Variants in CNOT6 observed in about 807,000 individuals in gnomAD.
The protein encoded by CNOT6 is carbon catabolite repression 4 protein.
Under a neutral mutation model 61.2 loss-of-function variants are expected in CNOT6, and 12 were observed. The ratio of observed to expected loss-of-function variants is 0.20; its 90% confidence interval spans 0.13 to 0.32. CNOT6 has a LOEUF of 0.32. CNOT6 is among the 10% of genes least tolerant of loss of function. The probability of loss-of-function intolerance (pLI) is 1.00; values close to 1 mark genes in which losing one functional copy is unlikely to be tolerated. For synonymous variants in CNOT6, 225 were observed against 240.6 expected (o/e 0.94, Z 0.60); for missense variants, 405 against 663.9 (o/e 0.61, Z 4.28).
Position 180,575,021 on chromosome 5 carries a change from T to A in CNOT6, c.*821T>A, listed in dbSNP as rs1020612156. On this transcript the variant is annotated 3_prime_UTR_variant, in exon 12 of 12. Transcript: ENST00000261951. ...ACATTTATGGACTGAATGTAATGGT[T>A]GATATATGTACATTCTGATATTTTT... is the stretch of plus-strand genomic sequence containing the variant. 6.6e-6 allele frequency: 1 copy of A among 152,624 alleles called. No individual in the cohort carries two copies. Among genetic ancestry groups the A allele is most frequent in the Non-Finnish European group, 1.5e-5 (1 of 68,036 alleles). The allele number at this position is 152,624 out of a possible 1,614,324, so 9.5% of individuals were successfully genotyped here. A position where few individuals can be genotyped will look rare whatever the true frequency, so the allele number is the denominator to read the frequency against.
intron 1 of CNOT6, among the ~76,000 whole-genome samples, chr5:180,499,249 T>C (rs1282080168): frequency 6.6e-6 from 1 of 152,240 alleles, no homozygotes; most frequent in Non-Finnish European, 1.5e-5. Flanking sequence ...ATGAAAGTTA[T>C]AAAATGTTAC....
chr5:180,501,834 G>C (rs1756881621), intron 1 of CNOT6, among the ~76,000 whole-genome samples: 1 of 152,156 alleles, frequency 6.6e-6, no homozygotes, highest in South Asian at 2.1e-4. Context: ...TGCCAAGAAA[G>C]AAGGAGTTTT....
At chr5:180,543,681 A>C (rs562431460) in intron 2 of CNOT6, among the ~76,000 whole-genome samples, 1 of 152,368 alleles carries the variant, frequency 6.6e-6, no homozygotes, top group South Asian at 2.1e-4. Context: ...ATTGGCTTCA[A>C]AATAGTTGCA....
At chr5:180,517,834 G>A (rs576122881) in intron 1 of CNOT6, among the ~76,000 whole-genome samples, 1 of 152,328 alleles carries the variant, frequency 6.6e-6, no homozygotes, top group African/African-American at 2.4e-5. Flanking sequence ...GAGCTACTGC[G>A]CCTGGCCGAG....
intron 2 of CNOT6, among the ~76,000 whole-genome samples, chr5:180,547,249 G>A (rs372273406): frequency 6.6e-6 from 1 of 151,984 alleles, no homozygotes; most frequent in Non-Finnish European, 1.5e-5. Context: ...GCCAGGCGCT[G>A]TGCCTCACGC....
chr5:180,570,266 A>G (rs1410276862), intron 10 of CNOT6, among the ~76,000 whole-genome samples: 1 of 152,154 alleles, frequency 6.6e-6, no homozygotes, highest in African/African-American at 2.4e-5. Context: ...GCTGAGGCAC[A>G]AGAATGACTT....
Position 180,569,088 on chromosome 5 carries a change from G to C in CNOT6, c.1028-22G>C, listed in dbSNP as rs771255691. ...ATGGGCGGGTTTTGTCTCTTTCTTTGTTTCGTTTTTATCTAATGTAGCCGG... is the reference window on the plus strand; with the variant it reads ...ATGGGCGGGTTTTGTCTCTTTCTTTCTTTCGTTTTTATCTAATGTAGCCGG... On this transcript the variant is annotated intron_variant, in intron 9 of 11. Coordinates refer to ENST00000261951, the MANE Select transcript of CNOT6 (RefSeq NM_001370472.1). 5 of 1,581,690 alleles carry C rather than the reference G, an allele frequency of 3.2e-6. No individual in the cohort carries two copies. The African/African-American group carries it at 5.4e-5, about 17-fold the overall frequency.
intron 2 of CNOT6, among the ~76,000 whole-genome samples, chr5:180,536,736 A>G (rs1758719737): frequency 6.6e-6 from 1 of 152,042 alleles, no homozygotes. Context: ...TCAGCCCCTC[A>G]AGTAGCTGGG....
rs1185729907 is a variant in CNOT6, at chr5:180,526,549, TG to T, written c.-2-2725del. Among the ~76,000 whole-genome samples the T allele has an allele frequency of 2.6e-5, 4 of 152,184 alleles. No homozygotes were observed. In the East Asian group the frequency reaches 7.7e-4, roughly 29 times the overall value. On this transcript the variant is annotated intron_variant, in intron 1 of 11. Transcript: ENST00000261951. ...GATGGAGGAGTAGGTGTTAGAGGTT[TG>T]AAGACAGAAGTCATCTAGGAGAAGG... is the stretch of plus-strand genomic sequence containing the variant.
At chr5:180,571,668 C>T (rs1264850964) in intron 11 of CNOT6, among the ~76,000 whole-genome samples, 2 of 152,058 alleles carry the variant, frequency 1.3e-5, no homozygotes, top group Non-Finnish European at 2.9e-5. Context: ...CCGGCTCAAA[C>T]GATCCTCTCA....
intron 11 of CNOT6, 90 bp from the exon 12 acceptor site, chr5:180,573,898 C>T: frequency 2.3e-6 from 2 of 881,114 alleles, no homozygotes; most frequent in South Asian, 2.9e-5. Context: ...GTTCTGTTCA[C>T]CAAACATGAC....
chr5:180,575,318 T>C lies in CNOT6; in HGVS notation c.*1118T>C, dbSNP rs906455599. 1 of 152,184 alleles carries C rather than the reference T, an allele frequency of 6.6e-6. No homozygotes were observed. The highest frequency in any genetic ancestry group is 2.4e-5 in the African/African-American group (1 of 41,430). The allele number at this position is 152,184 out of a possible 1,614,324, so 9.4% of individuals were successfully genotyped here. A position where few individuals can be genotyped will look rare whatever the true frequency, so the allele number is the denominator to read the frequency against. ...GAATATCACATTTTGGAACATGTTATAGGGTGAGTCCCTGGATCTTTGCTC... is the reference window on the plus strand; with the variant it reads ...GAATATCACATTTTGGAACATGTTACAGGGTGAGTCCCTGGATCTTTGCTC... On this transcript the variant is annotated 3_prime_UTR_variant, in exon 12 of 12. Transcript: ENST00000261951.
At chr5:180,513,691 TTA>T (rs1757503554) in intron 1 of CNOT6, among the ~76,000 whole-genome samples, 1 of 134,614 alleles carries the variant, frequency 7.4e-6, no homozygotes, top group African/African-American at 2.6e-5. Flanking sequence ...ATTTATTTAT[TTA>T]TTTATTTTTA....
chr5:180,510,034 T>C (rs534212514), intron 1 of CNOT6, among the ~76,000 whole-genome samples: 1 of 151,954 alleles, frequency 6.6e-6, no homozygotes, highest in East Asian at 1.9e-4. Flanking sequence ...CAGAAGCTTT[T>C]TGTTGTTGCT....
At chr5:180,561,356 T>TTGTGTGTGTG (rs35909953) in intron 4 of CNOT6, among the ~76,000 whole-genome samples, 1,512 of 144,816 alleles carry the variant, frequency 0.01, 18 homozygotes, top group African/African-American at 0.023. Flanking sequence ...CTTGTGTGTT[T>TTGTGTGTGTG]TGTGTGTGTG....
chr5:180,570,907 TTTAA>T (rs1760717307), intron 10 of CNOT6, among the ~76,000 whole-genome samples: 1 of 152,242 alleles, frequency 6.6e-6, no homozygotes, highest in Non-Finnish European at 1.5e-5. Flanking sequence ...TGGTGTTATC[TTTAA>T]TTCTTTGTAA....
intron 1 of CNOT6, among the ~76,000 whole-genome samples, chr5:180,503,021 T>C (rs568471402): frequency 6.6e-6 from 1 of 152,298 alleles, no homozygotes; most frequent in Non-Finnish European, 1.5e-5. Context: ...TTTAGTTTTA[T>C]GGAAACTATA....
At chr5:180,560,304 A>T (rs990292631) in intron 4 of CNOT6, among the ~76,000 whole-genome samples, 3 of 152,102 alleles carry the variant, frequency 2.0e-5, no homozygotes, top group Non-Finnish European at 2.9e-5. Context: ...GTATTTGCCC[A>T]TATTTTTTTG....
intron 4 of CNOT6, among the ~76,000 whole-genome samples, chr5:180,554,526 A>T (rs373432257): frequency 3.5e-5 from 5 of 143,224 alleles, no homozygotes; most frequent in Admixed American, 2.1e-4. Flanking sequence ...AGTTTTTTTT[A>T]AATAAATAGA....
Sources: allele counts gnomAD v4.1 joint callset (sites outside exome capture counted in the v4.1 genomes callset), GRCh38; gene constraint gnomAD v4.1.1; transcripts MANE v1.5; gene names NCBI Gene and HGNC (gene_info 2026-07-23, HGNC 2026-07-21).